FMR1: variants seen among roughly 807,000 people sequenced by gnomAD.
FMR1 encodes the protein FMRP translational regulator 1.
In FMR1, 13 loss-of-function variants were observed where a neutral mutation model predicts 50.6. The ratio of observed to expected loss-of-function variants is 0.26; its 90% CI spans 0.17 to 0.41. The LOEUF (loss-of-function observed/expected upper bound fraction) is 0.41, where lower values mean the gene tolerates loss of function less well. Ranked by LOEUF, FMR1 falls within the 10% of genes least tolerant of loss-of-function variation. FMR1 has a pLI of 1.00. For missense variants in FMR1, 316 were observed against 491.3 expected (o/e 0.64, Z 3.37); for synonymous variants, 138 against 164.1 (o/e 0.84, Z 1.22).
intron 1 of FMR1, among the ~76,000 whole-genome samples, chrX:147,919,444 A>G (rs1602943912): frequency 8.9e-6 from 1 of 112,299 alleles, no homozygotes; most frequent in Admixed American, 9.4e-5. Context: ...ATGAAATCTA[A>G]TAATTCTAAA....
In FMR1 at chrX:147,928,676, T is replaced by C. The variant is rs944435148; in HGVS notation, c.288T>C (p.Tyr96=). Residue 96 remains tyrosine, a synonymous_variant, in exon 5 of 17, where the codon TAT becomes TAC. Coordinates refer to ENST00000370475, the MANE Select transcript of FMR1 (RefSeq NM_002024.6). ...TTTCTCAGTTTTATGTGATAGAATA[T>C]GCAGCATGTGATGCAACTTACAATG... ...MIKGEFYVIE[Y]AACDATYNEI... is the part of the protein sequence containing the mutation. 1.2e-5 allele frequency: 15 copies of C among 1,203,143 alleles called. No individual in the cohort carries two copies. Among genetic ancestry groups the C allele is most frequent in the Non-Finnish European group, 1.6e-5 (14 of 889,539 alleles).
At chrX:147,918,435 T>A (rs1282483343) in intron 1 of FMR1, among the ~76,000 whole-genome samples, 2 of 110,165 alleles carry the variant, frequency 1.8e-5, no homozygotes, top group African/African-American at 6.6e-5. Context: ...CATTTACAGA[T>A]AAGCCTCATT....
chrX:147,938,006 T>TTAAAAGTCCTGCAG lies in FMR1; in HGVS notation c.1126-91_1126-78dup, dbSNP rs1256522863. 6.6e-5 allele frequency: 46 copies of TTAAAAGTCCTGCAG among 699,141 alleles called. No individual in the cohort carries two copies. The Admixed American group carries it at 1.0e-3, about 16-fold the overall frequency. The allele number at this position is 699,141 out of a possible 1,213,427, so 57.6% of individuals were successfully genotyped here. ...TGAACTAATCTGTTTAGAAATGGGT[T>TTAAAAGTCCTGCAG]TAAAAGTCCTGCAGTGAAAGTCCTG... On this transcript the variant is annotated intron_variant, in intron 11 of 16. Coordinates refer to ENST00000370475, the MANE Select transcript of FMR1 (RefSeq NM_002024.6).
chrX:147,920,433 C>T (rs1469846630), intron 1 of FMR1, among the ~76,000 whole-genome samples: 1 of 111,582 alleles, frequency 9.0e-6, no homozygotes, highest in African/African-American at 3.3e-5. Context: ...TTAGCTAGTA[C>T]TTCCTTATCC....
At chrX:147,939,102 A>C (rs2043890293) in intron 12 of FMR1, among the ~76,000 whole-genome samples, 1 of 112,396 alleles carries the variant, frequency 8.9e-6, no homozygotes, top group Non-Finnish European at 1.9e-5. Flanking sequence ...CATTCATTCC[A>C]TCACATGGTA....
intron 14 of FMR1, 179 bp from the exon 15 acceptor site, chrX:147,944,690 C>T: frequency 9.5e-7 from 1 of 1,048,189 alleles, no homozygotes. Context: ...TATTGCAAAG[C>T]CCTTCATTTT....
chrX:147,920,895 C>T (rs1355497210), intron 1 of FMR1, among the ~76,000 whole-genome samples: 1 of 111,728 alleles, frequency 9.0e-6, no homozygotes, highest in Non-Finnish European at 1.9e-5. Context: ...CAGAGTATGG[C>T]ACAAGTAGTT....
intron 1 of FMR1, among the ~76,000 whole-genome samples, chrX:147,915,591 C>T (rs1353859373): frequency 9.0e-6 from 1 of 111,034 alleles, no homozygotes; most frequent in African/African-American, 3.3e-5. Flanking sequence ...CTTAAATATT[C>T]TCATAACCTC....
intron 1 of FMR1, among the ~76,000 whole-genome samples, chrX:147,918,238 A>T (rs1303402202): frequency 1.8e-5 from 2 of 111,682 alleles, no homozygotes; most frequent in African/African-American, 6.5e-5. Context: ...AAACAGGAAG[A>T]TGGAACCTTG....
intron 3 of FMR1, among the ~76,000 whole-genome samples, chrX:147,927,267 C>T (rs2043424690): frequency 9.0e-6 from 1 of 111,666 alleles, no homozygotes; most frequent in Non-Finnish European, 1.9e-5. Context: ...TTTTTCTCCC[C>T]AGCTTGGTCA....
intron 3 of FMR1, among the ~76,000 whole-genome samples, chrX:147,926,261 T>C (rs1436437399): frequency 1.8e-5 from 2 of 111,905 alleles, no homozygotes; most frequent in African/African-American, 6.5e-5. Context: ...TTAAGGCGCT[T>C]ACAGTGCCTC....
intron 14 of FMR1, 159 bp downstream of exon 14, chrX:147,943,485 C>G: frequency 4.0e-6 from 2 of 497,865 alleles, no homozygotes; most frequent in Non-Finnish European, 6.9e-6. Flanking sequence ...GAGTAAAAAC[C>G]TGATGATAAA....
Position 147,936,495 on chromosome X carries a change from A to G in FMR1, c.881-9A>G. 8.8e-7 allele frequency: 1 copy of G among 1,139,682 alleles called. No individual in the cohort carries two copies. The highest frequency in any genetic ancestry group is 1.2e-6 in the Non-Finnish European group (1 of 830,183). The allele number at this position is 1,139,682 out of a possible 1,213,427, so 93.9% of individuals were successfully genotyped here. A position where few individuals can be genotyped will look rare whatever the true frequency, so the allele number is the denominator to read the frequency against. On this transcript the variant is annotated splice_polypyrimidine_tract_variant and intron_variant, in intron 9 of 16. Coordinates refer to ENST00000370475, the MANE Select transcript of FMR1 (RefSeq NM_002024.6). The stretch of plus-strand genomic sequence containing the variant: ...TTTTAAAACCAAACTTGATTTATTT[A>G]TTTCTTAGGCAAAGTAATAGGAAAA...
intron 3 of FMR1, among the ~76,000 whole-genome samples, chrX:147,926,256 G>A (rs781830664): frequency 9.0e-6 from 1 of 111,562 alleles, no homozygotes; most frequent in South Asian, 3.8e-4. Context: ...TGTATTTAAG[G>A]CGCTTACAGT....
chrX:147,930,382 G>A, intron 7 of FMR1, 138 bp downstream of exon 7: 1 of 520,540 alleles, frequency 1.9e-6, no homozygotes, highest in South Asian at 2.7e-5. Flanking sequence ...TTGGAAAATT[G>A]TACAAAGCAT....
chrX:147,943,231 A>G lies in FMR1; in HGVS notation c.1376A>G (p.Lys459Arg), dbSNP rs2124565553. Residue 459 changes from lysine (K) to arginine (R), a missense_variant, in exon 14 of 17, where the codon AAA (lysine) becomes AGA (arginine). Transcript: ENST00000370475. ...RPPPNRTDKE[K>R]SYVTDDGQGM... is the part of the protein sequence containing the mutation. ...CCACCAAATCGTACAGATAAGGAAA[A>G]AAGCTATGTGACTGATGATGGTCAA... The G allele has an allele frequency of 8.3e-7, 1 of 1,210,868 alleles. No individual in the cohort carries two copies. The highest frequency in any genetic ancestry group is 1.1e-6 in the Non-Finnish European group (1 of 894,807).
At chrX:147,944,697 T>C (rs1357702668) in intron 14 of FMR1, 172 bp from the exon 15 acceptor site, 8 of 1,048,466 alleles carry the variant, frequency 7.6e-6, no homozygotes, top group Non-Finnish European at 9.8e-6. Context: ...AAGCCCTTCA[T>C]TTTGAGTTTA....
intron 3 of FMR1, chrX:147,928,079 A>G: frequency 3.0e-6 from 1 of 333,966 alleles, no homozygotes; most frequent in Non-Finnish European, 5.2e-6. Flanking sequence ...CTGAATTAGA[A>G]CAGAAATATA....
chrX:147,931,235 TATACTC>T (rs1204339923), intron 7 of FMR1, among the ~76,000 whole-genome samples: 2 of 111,675 alleles, frequency 1.8e-5, no homozygotes, highest in Non-Finnish European at 3.8e-5. Flanking sequence ...ATTATGAAAA[TATACTC>T]ATATGCCTCT....
Sources: allele counts gnomAD v4.1 joint callset (sites outside exome capture counted in the v4.1 genomes callset), GRCh38; gene constraint gnomAD v4.1.1; transcripts MANE v1.5; gene names NCBI Gene and HGNC (gene_info 2026-07-23, HGNC 2026-07-21).